The following DTNA variants were observed in gnomAD, a reference collection of about 807,000 sequenced individuals.
DTNA encodes the protein dystrobrevin alpha.
DTNA carries 43 observed loss-of-function variants against 100.7 expected under a neutral mutation model. That is an observed-to-expected ratio of 0.43 (90% confidence interval 0.33 to 0.55). DTNA has a LOEUF of 0.55. Ranked by LOEUF, DTNA falls within the 20% of genes least tolerant of loss-of-function variation. The probability of loss-of-function intolerance (pLI) is 0.04; values close to 1 mark genes in which losing one functional copy is unlikely to be tolerated. For synonymous variants in DTNA, 349 were observed against 347.9 expected (o/e 1.00, Z -0.04); for missense variants, 798 against 953.9 (o/e 0.84, Z 2.15).
At chr18:34,718,757 G>A (rs968857613) in intron 1 of DTNA, among the ~76,000 whole-genome samples, 1 of 152,156 alleles carries the variant, frequency 6.6e-6, no homozygotes, top group Admixed American at 6.5e-5. Flanking sequence ...CTGTAAGGAG[G>A]ACTTTGGCAG....
In DTNA at chr18:34,725,986, C is replaced by T. The variant is rs376987486; in HGVS notation, c.-2+15541C>T. ...AACTGGAAATCATCATTCTCAGCAA[C>T]GTAACAGAAGAAGAGAAAACCAAAC... is the stretch of plus-strand genomic sequence containing the variant. On this transcript the variant is annotated intron_variant, in intron 1 of 22. Transcript: ENST00000444659. Among the ~76,000 whole-genome samples, 8 of 152,112 alleles carry T rather than the reference C, an allele frequency of 5.3e-5. No homozygotes were observed. In the East Asian group the frequency reaches 5.8e-4, roughly 11 times the overall value.
chr18:34,782,044 T>TG (rs2148823312), intron 3 of DTNA, among the ~76,000 whole-genome samples: 1 of 152,334 alleles, frequency 6.6e-6, no homozygotes, highest in East Asian at 1.9e-4. Context: ...AAAGGTTCTG[T>TG]GGAAAACTAT....
intron 1 of DTNA, among the ~76,000 whole-genome samples, chr18:34,521,741 C>T (rs1393815508): frequency 6.6e-6 from 1 of 152,186 alleles, no homozygotes; most frequent in Non-Finnish European, 1.5e-5. Context: ...TCACACAGGT[C>T]TCTGTTCACA....
intron 16 of DTNA, among the ~76,000 whole-genome samples, chr18:34,858,698 G>C (rs1200340329): frequency 6.6e-6 from 1 of 152,186 alleles, no homozygotes; most frequent in Non-Finnish European, 1.5e-5. Flanking sequence ...TGCAACCTCT[G>C]CCTTCCAGGT....
At chr18:34,555,803 G>T (rs1343379266) in intron 1 of DTNA, among the ~76,000 whole-genome samples, 1 of 152,146 alleles carries the variant, frequency 6.6e-6, no homozygotes, top group African/African-American at 2.4e-5. Context: ...CAAGTATGTG[G>T]TCAATTTTGG....
intron 1 of DTNA, among the ~76,000 whole-genome samples, chr18:34,564,260 A>G (rs1480494103): frequency 6.6e-6 from 1 of 152,000 alleles, no homozygotes; most frequent in East Asian, 1.9e-4. Context: ...CTCCTGCCTC[A>G]GCCTCCCCAG....
intron 1 of DTNA, among the ~76,000 whole-genome samples, chr18:34,672,197 T>C (rs1358915247): frequency 6.6e-6 from 1 of 152,176 alleles, no homozygotes; most frequent in Non-Finnish European, 1.5e-5. Context: ...TTAATGAGAT[T>C]CATCACTGTG....
intron 22 of DTNA, among the ~76,000 whole-genome samples, chr18:34,885,374 T>C (rs2096912286): frequency 6.6e-6 from 1 of 152,228 alleles, no homozygotes; most frequent in Admixed American, 6.5e-5. Context: ...TTTCATGGCA[T>C]GTGAAACCAC....
intron 3 of DTNA, among the ~76,000 whole-genome samples, chr18:34,790,567 A>ATAT (rs2094687460): frequency 7.6e-5 from 3 of 39,654 alleles, no homozygotes; most frequent in East Asian, 2.3e-3. Context: ...ATATATATAT[A>ATAT]TTTTTTTTTT....
chr18:34,865,449 T>A lies in DTNA; in HGVS notation c.1743+1387T>A, dbSNP rs192026447. Among the ~76,000 whole-genome samples the A allele has an allele frequency of 8.2e-3, 1,245 of 152,314 alleles. 12 individuals carry two copies. Among genetic ancestry groups the A allele is most frequent in the Non-Finnish European group, 0.013 (916 of 68,030 alleles). On this transcript the variant is annotated intron_variant, in intron 17 of 22. Coordinates refer to ENST00000444659, the MANE Select transcript of DTNA (RefSeq NM_001386795.1). Reference sequence around the variant, plus strand: ...TGTTTTCCTTACTCTATTTTATTCCTTTTCCCTCCATCAGTGTCCTCTTTA... The same window carrying A: ...TGTTTTCCTTACTCTATTTTATTCCATTTCCCTCCATCAGTGTCCTCTTTA...
At chr18:34,631,847 A>T (rs2058114895) in intron 1 of DTNA, among the ~76,000 whole-genome samples, 2 of 152,194 alleles carry the variant, frequency 1.3e-5, no homozygotes. Flanking sequence ...AGAAGAGCTT[A>T]TAGATATGAT....
At chr18:34,873,783 G>A (rs952504202) in intron 17 of DTNA, among the ~76,000 whole-genome samples, 2 of 152,224 alleles carry the variant, frequency 1.3e-5, no homozygotes, top group African/African-American at 4.8e-5. Context: ...TGGTAGCTCA[G>A]AAGCAGAAGG....
At chr18:34,688,953 A>G (rs568599699) in intron 1 of DTNA, among the ~76,000 whole-genome samples, 1 of 152,200 alleles carries the variant, frequency 6.6e-6, no homozygotes, top group East Asian at 1.9e-4. Context: ...ATATTTGTAT[A>G]TGCTTCACAA....
intron 11 of DTNA, 124 bp from the exon 12 acceptor site, chr18:34,837,970 A>C: frequency 1.1e-6 from 1 of 904,378 alleles, no homozygotes. Flanking sequence ...GAACATTTCA[A>C]AATAATAAGA....
chr18:34,814,245 A>G (rs1164926997), intron 6 of DTNA, among the ~76,000 whole-genome samples: 1 of 152,214 alleles, frequency 6.6e-6, no homozygotes, highest in Non-Finnish European at 1.5e-5. Flanking sequence ...TCACCCAGTC[A>G]TGGAAACAAG....
chr18:34,714,641 G>T (rs1303501163), intron 1 of DTNA, among the ~76,000 whole-genome samples: 2 of 151,518 alleles, frequency 1.3e-5, no homozygotes, highest in Non-Finnish European at 2.9e-5. Flanking sequence ...TGGTGGGACT[G>T]TAAACTAGTT....
chr18:34,845,063 G>A (rs762058232), intron 13 of DTNA, among the ~76,000 whole-genome samples: 2 of 152,114 alleles, frequency 1.3e-5, no homozygotes, highest in African/African-American at 2.4e-5. Flanking sequence ...GAATAGCTAG[G>A]GCTGGAGAAA....
chr18:34,838,696 T>C (rs1235393374), intron 12 of DTNA, 49 bp from the exon 13 acceptor site: 1 of 1,519,448 alleles, frequency 6.6e-7, no homozygotes, highest in Non-Finnish European at 9.1e-7. Context: ...TACTTATTTC[T>C]GTCCACCTCT....
chr18:34,793,866 A>G (rs1241193022), intron 3 of DTNA, among the ~76,000 whole-genome samples, 171 bp from the exon 4 acceptor site: 1 of 152,232 alleles, frequency 6.6e-6, no homozygotes, highest in Non-Finnish European at 1.5e-5. Context: ...TGTAATGCAC[A>G]TCAAGTCTTA....
Sources: allele counts gnomAD v4.1 joint callset (sites outside exome capture counted in the v4.1 genomes callset), GRCh38; gene constraint gnomAD v4.1.1; transcripts MANE v1.5; gene names NCBI Gene and HGNC (gene_info 2026-07-23, HGNC 2026-07-21).